L3MBTL2: variants seen among roughly 807,000 people sequenced by gnomAD.
L3MBTL2 encodes L3MBTL histone methyl-lysine binding protein 2.
Under a neutral mutation model 86.4 loss-of-function variants are expected in L3MBTL2, and 49 were observed. The observed-to-expected ratio is 0.57, with a 90% CI of 0.45 to 0.72. The LOEUF is 0.72. Among genes scored for constraint, L3MBTL2 ranks in the 30% least tolerant of loss-of-function variants. The pLI is 0.00. For missense variants in L3MBTL2, 755 were observed against 923.7 expected, an observed-to-expected ratio of 0.82 and a Z score of 2.37; for synonymous variants, 336 against 350.6, an observed-to-expected ratio of 0.96 and a Z score of 0.47.
At chr22:41,211,876 T>C (rs1268931738) in intron 2 of L3MBTL2, among the ~76,000 whole-genome samples, 2 of 118,842 alleles carry the variant, frequency 1.7e-5, no homozygotes, top group Non-Finnish European at 3.5e-5. Flanking sequence ...TTTTTTTTTT[T>C]TTTTTGAAAC....
intron 2 of L3MBTL2, among the ~76,000 whole-genome samples, chr22:41,212,396 CTTT>C (rs10553071): frequency 5.8e-4 from 73 of 125,776 alleles, no homozygotes; most frequent in Admixed American, 5.7e-4. Context: ...TAGGTTCAGG[CTTT>C]TTTTTTTTTT....
Position 41,209,866 on chromosome 22 carries a change from G to C in L3MBTL2, c.195G>C (p.Pro65=). 1.2e-6 allele frequency: 2 copies of C among 1,614,122 alleles called. No homozygotes were observed. Among genetic ancestry groups the C allele is most frequent in the Non-Finnish European group, 1.7e-6 (2 of 1,180,022 alleles). Residue 65 remains proline (P), a synonymous_variant, in exon 2 of 17, where the codon CCG becomes CCC. Transcript: ENST00000216237. ...ENEDREAGEL[P]TSPLHLLSPG... ...AGGATCGGGAAGCAGGGGAACTGCC[G>C]ACCTCCCCGCTGCATTTGCTCAGCC...
At position 41,216,266 on chromosome 22, in the gene L3MBTL2, A is replaced by G. The variant is rs1258687272; in HGVS notation, c.520+4A>G. 2 of 1,612,470 alleles carry G rather than the reference A, an allele frequency of 1.2e-6. No homozygotes were observed. Among genetic ancestry groups the G allele is most frequent in the African/African-American group, 1.3e-5 (1 of 74,908 alleles). Reference sequence around the variant, plus strand: ...GGGACACCAACAGGACAAGACGGTAAGATAGCAGAGGGCCCTGCTTAGGAA... The same window carrying G: ...GGGACACCAACAGGACAAGACGGTAGGATAGCAGAGGGCCCTGCTTAGGAA... On this transcript the variant is annotated splice_donor_region_variant and intron_variant, in intron 4 of 16. Transcript: ENST00000216237.
intron 15 of L3MBTL2, among the ~76,000 whole-genome samples, chr22:41,229,067 G>A (rs150872755): frequency 9.2e-5 from 14 of 152,168 alleles, no homozygotes; most frequent in African/African-American, 3.4e-4. Flanking sequence ...AGACCAGCCT[G>A]GGCAACATAG....
rs2031455434 is a variant in L3MBTL2 at position 41,217,210 on chromosome 22, C to T, written c.600+8C>T. The stretch of plus-strand genomic sequence containing the variant: ...GTCAGCTGTTTCAAGCACGTGAGTG[C>T]CCTGGAGCTGAGGGAGGGAGGCCGG... On this transcript the variant is annotated splice_region_variant and intron_variant, in intron 5 of 16. Coordinates refer to ENST00000216237, the MANE Select transcript of L3MBTL2 (RefSeq NM_031488.5). 7 of 1,608,992 alleles carry T rather than the reference C, an allele frequency of 4.4e-6. No homozygotes were observed. The highest frequency in any genetic ancestry group is 5.9e-6 in the Non-Finnish European group (7 of 1,176,962).
At position 41,217,142 on chromosome 22, in the gene L3MBTL2, C is replaced by T; in HGVS notation, c.540C>T (p.Asp180=). 1 of 1,613,976 alleles carries T rather than the reference C, an allele frequency of 6.2e-7. No individual in the cohort carries two copies. The highest frequency in any genetic ancestry group is 8.5e-7 in the Non-Finnish European group (1 of 1,179,984). The change falls in exon 5 of 17, where the codon GAC becomes GAT. Residue 180 remains aspartate (D), a synonymous_variant. Coordinates refer to ENST00000216237, the MANE Select transcript of L3MBTL2 (RefSeq NM_031488.5). ...TGQDALVLGF[D]WGKFLKDHSY... is the part of the protein sequence containing the mutation. ...CTGCAGCTCTGGTCTTGGGCTTCGA[C>T]TGGGGGAAGTTCCTGAAGGATCACA...
intron 16 of L3MBTL2, 59 bp downstream of exon 16, chr22:41,229,715 C>T: frequency 6.2e-7 from 1 of 1,612,230 alleles, no homozygotes; most frequent in Non-Finnish European, 8.5e-7. Context: ...CAGAGACGAC[C>T]CTTCTCCTTC....
intron 1 of L3MBTL2, 103 bp downstream of exon 1, chr22:41,205,489 T>G: frequency 7.4e-7 from 1 of 1,346,318 alleles, no homozygotes; most frequent in South Asian, 1.2e-5. Context: ...GGGTGGAGGG[T>G]GGGAGGATGG....
intron 16 of L3MBTL2, 55 bp from the exon 17 acceptor site, chr22:41,230,084 C>A (rs2032483946): frequency 1.2e-6 from 1 of 804,860 alleles, no homozygotes; most frequent in Middle Eastern, 2.8e-4. Context: ...CCTCCGCCCC[C>A]ACCCCTCCCA....
Position 41,227,177 on chromosome 22 carries a change from A to G in L3MBTL2, c.1676A>G (p.Lys559Arg), listed in dbSNP as rs200150887. ...CGGCTCATCTGTGTGGCCACGGTGA[A>G]ACGAGTGGTGCATCGGCTCCTCAGC... ...EPRLICVATV[K>R]RVVHRLLSIH... is the part of the protein sequence containing the mutation. The change falls in exon 14 of 17, where the codon AAA (lysine) becomes AGA (arginine). Residue 559 changes from lysine (K) to arginine (R), a missense_variant. By Grantham distance (26) the Lys-to-Arg change is conservative (BLOSUM62 2). This residue lies in a region of L3MBTL2 where 634 missense variants were observed against 748.9 expected (regional missense o/e 0.85). Transcript: ENST00000216237. The surrounding 1 kb of genome is among the most constrained non-coding windows in gnomAD (Gnocchi z 6.0). 1 of 1,613,662 alleles carries G rather than the reference A, an allele frequency of 6.2e-7. No individual in the cohort carries two copies. The highest frequency in any genetic ancestry group is 1.3e-5 in the African/African-American group (1 of 74,938).
At chr22:41,207,156 A>T (rs990046006) in intron 1 of L3MBTL2, among the ~76,000 whole-genome samples, 1 of 151,790 alleles carries the variant, frequency 6.6e-6, no homozygotes, top group African/African-American at 2.4e-5. Flanking sequence ...AAAATTGGCA[A>T]CCTTTATTGA....
At chr22:41,216,509 C>T (rs991568374) in intron 4 of L3MBTL2, among the ~76,000 whole-genome samples, 9 of 152,138 alleles carry the variant, frequency 5.9e-5, no homozygotes, top group Admixed American at 2.0e-4. Context: ...CAAGAATTGG[C>T]TGTTTTTGTT....
intron 2 of L3MBTL2, 28 bp downstream of exon 2, chr22:41,209,961 G>A (rs749276218): frequency 6.2e-7 from 1 of 1,609,560 alleles, no homozygotes; most frequent in South Asian, 1.1e-5. Context: ...CCTGAGGATG[G>A]AGAGGAGATA....
At chr22:41,211,344 G>A (rs567661202) in intron 2 of L3MBTL2, among the ~76,000 whole-genome samples, 42 of 151,390 alleles carry the variant, frequency 2.8e-4, no homozygotes, top group Non-Finnish European at 5.7e-4. Flanking sequence ...GAGACTACAG[G>A]TGCACGCCAC....
intron 3 of L3MBTL2, among the ~76,000 whole-genome samples, chr22:41,215,730 G>GGGCCCTCTCCC: frequency 6.6e-6 from 1 of 151,944 alleles, no homozygotes; most frequent in South Asian, 2.1e-4. Flanking sequence ...TCGCCTATGT[G>GGGCCCTCTCCC]GACCCTCTCC....
rs2030571641 is a variant in L3MBTL2 at position 41,209,865 on chromosome 22, C to T, written c.194C>T (p.Pro65Leu). 13 of 1,613,984 alleles carry T rather than the reference C, an allele frequency of 8.1e-6. No individual in the cohort carries two copies. Among genetic ancestry groups the T allele is most frequent in the East Asian group, 2.2e-5 (1 of 44,888 alleles). Reference protein sequence around the residue: ...ENEDREAGELPTSPLHLLSPG... With the variant: ...ENEDREAGELLTSPLHLLSPG... The stretch of plus-strand genomic sequence containing the variant: ...GAGGATCGGGAAGCAGGGGAACTGC[C>T]GACCTCCCCGCTGCATTTGCTCAGC... Residue 65 changes from proline to leucine, a missense_variant, in exon 2 of 17, where the codon CCG becomes CTG. By Grantham distance (98) the Pro-to-Leu change is moderately conservative. Transcript: ENST00000216237.
At chr22:41,230,024 A>C (rs978672832) in intron 16 of L3MBTL2, 115 bp from the exon 17 acceptor site, 1 of 759,818 alleles carries the variant, frequency 1.3e-6, no homozygotes, top group Non-Finnish European at 2.2e-6. Flanking sequence ...TGGAGGGTGA[A>C]GGTGCATCCT....
chr22:41,210,453 C>T (rs1411282560), intron 2 of L3MBTL2, among the ~76,000 whole-genome samples: 1 of 152,204 alleles, frequency 6.6e-6, no homozygotes, highest in Non-Finnish European at 1.5e-5. Flanking sequence ...CCTCAGCCTC[C>T]TGAGTAGCTG....
At chr22:41,220,673 A>C (rs2031742804) in intron 6 of L3MBTL2, 61 bp from the exon 7 acceptor site, 2 of 1,520,422 alleles carry the variant, frequency 1.3e-6, no homozygotes, top group South Asian at 1.3e-5. Context: ...AAAAAAAAAA[A>C]AACAGAACAT....
Sources: allele counts gnomAD v4.1 joint callset (sites outside exome capture counted in the v4.1 genomes callset), GRCh38; gene constraint gnomAD v4.1.1; regional missense constraint gnomAD v4.1.1; non-coding constraint Gnocchi (gnomAD v3.1); transcripts MANE v1.5; gene names NCBI Gene and HGNC (gene_info 2026-07-23, HGNC 2026-07-21).